SIAH1: variants seen among roughly 807,000 people sequenced by gnomAD.
SIAH1 encodes the protein E3 ubiquitin-protein ligase SIAH1.
SIAH1 carries 2 observed loss-of-function variants against 20.0 expected under a neutral mutation model. The ratio of observed to expected loss-of-function variants is 0.10; its 90% CI spans 0.04 to 0.31. SIAH1 has a LOEUF of 0.31. Among genes scored for constraint, SIAH1 ranks in the 10% least tolerant of loss-of-function variants. SIAH1 has a pLI of 1.00. For synonymous variants in SIAH1, 118 were observed against 125.3 expected (o/e 0.94, Z 0.39); for missense variants, 119 against 355.3 (o/e 0.33, Z 5.35).
chr16:48,381,216 G>A (rs956607120), intron 1 of SIAH1, among the ~76,000 whole-genome samples: 3 of 151,540 alleles, frequency 2.0e-5, no homozygotes, highest in African/African-American at 7.3e-5. Flanking sequence ...GTCATGGCAG[G>A]CGCCTGTAAT....
intron 1 of SIAH1, among the ~76,000 whole-genome samples, chr16:48,368,533 TAAGTA>T (rs1253919643): frequency 6.6e-6 from 1 of 152,158 alleles, no homozygotes; most frequent in Non-Finnish European, 1.5e-5. Flanking sequence ...TTGTCTCTAC[TAAGTA>T]AATACAAAAA....
intron 1 of SIAH1, among the ~76,000 whole-genome samples, chr16:48,374,616 T>C (rs1368492098): frequency 6.6e-6 from 1 of 152,134 alleles, no homozygotes; most frequent in Non-Finnish European, 1.5e-5. Flanking sequence ...GACAACTTTA[T>C]GCTAGAAGAG....
chr16:48,378,890 C>G (rs932866227), intron 1 of SIAH1, among the ~76,000 whole-genome samples: 1 of 152,182 alleles, frequency 6.6e-6, no homozygotes, highest in African/African-American at 2.4e-5. Context: ...AGCTCCTTAT[C>G]CTTGGACACC....
chr16:48,371,646 A>C (rs2151050396), intron 1 of SIAH1, among the ~76,000 whole-genome samples: 1 of 152,352 alleles, frequency 6.6e-6, no homozygotes, highest in African/African-American at 2.4e-5. Flanking sequence ...CACATTACTA[A>C]AATTTTTAAA....
chr16:48,368,153 C>G (rs1434210301), intron 1 of SIAH1, among the ~76,000 whole-genome samples: 5 of 152,032 alleles, frequency 3.3e-5, no homozygotes, highest in Non-Finnish European at 7.4e-5. Context: ...GGAAAAAAAT[C>G]ATAATATATT....
At chr16:48,365,680 A>ACCCAGGCTGGAATGCAATG in intron 1 of SIAH1, 1 of 1,425,312 alleles carries the variant, frequency 7.0e-7, no homozygotes. Flanking sequence ...CCTCCCTGTG[A>ACCCAGGCTGGAATGCAATG]GCTCAAATTC....
chr16:48,384,531 C>A (rs1294604863), intron 1 of SIAH1, among the ~76,000 whole-genome samples: 1 of 152,192 alleles, frequency 6.6e-6, no homozygotes, highest in Non-Finnish European at 1.5e-5. Flanking sequence ...ACGCCGTTCA[C>A]GCGCTCTCCT....
chr16:48,367,115 G>A (rs1299205208), intron 1 of SIAH1, among the ~76,000 whole-genome samples: 3 of 152,132 alleles, frequency 2.0e-5, no homozygotes, highest in African/African-American at 7.2e-5. Context: ...GCCCAGGCTG[G>A]TCTCGAACTC....
In SIAH1 at chr16:48,382,381, C is replaced by A. The variant is rs578261293; in HGVS notation, c.-3+2823G>T. Among the ~76,000 whole-genome samples, 6 of 148,792 alleles carry A rather than the reference C, an allele frequency of 4.0e-5. No individual in the cohort carries two copies. The East Asian group carries it at 9.8e-4, about 24-fold the overall frequency. ...CCTGGGCAACATAGCAAGACTATCTCAAAAAAAAATAAAAATAAAAATAAA... is the reference window on the plus strand; with the variant it reads ...CCTGGGCAACATAGCAAGACTATCTAAAAAAAAAATAAAAATAAAAATAAA... On this transcript the variant is annotated intron_variant, in intron 1 of 1. Transcript: ENST00000394725.
intron 1 of SIAH1, among the ~76,000 whole-genome samples, chr16:48,370,162 C>G (rs1003539597): frequency 6.6e-6 from 1 of 152,196 alleles, no homozygotes; most frequent in African/African-American, 2.4e-5. Flanking sequence ...TAGGTATCCT[C>G]AATCTCCAGC....
At chr16:48,372,611 G>C (rs1281520284) in intron 1 of SIAH1, among the ~76,000 whole-genome samples, 2 of 152,084 alleles carry the variant, frequency 1.3e-5, no homozygotes, top group Non-Finnish European at 2.9e-5. Context: ...AGCTGAGGTC[G>C]ATCTAATAAC....
chr16:48,365,508 CAAG>C, intron 1 of SIAH1: 2 of 1,605,788 alleles, frequency 1.2e-6, no homozygotes, highest in Non-Finnish European at 1.7e-6. Flanking sequence ...GCGTTTCCCC[CAAG>C]AAGTAAAGGA....
chr16:48,374,154 T>G (rs776206653), intron 1 of SIAH1, among the ~76,000 whole-genome samples: 5 of 152,230 alleles, frequency 3.3e-5, no homozygotes, highest in Non-Finnish European at 7.3e-5. Context: ...CATAATTCAC[T>G]TATTATTTTT....
upstream of SIAH1, among the ~76,000 whole-genome samples, chr16:48,385,688 C>T (rs1961445819): frequency 6.6e-6 from 1 of 152,122 alleles, no homozygotes; most frequent in South Asian, 2.1e-4. Context: ...GAGAAGCTAG[C>T]GCTTGCCCGT....
At chr16:48,369,728 A>G (rs1225296642) in intron 1 of SIAH1, among the ~76,000 whole-genome samples, 2 of 152,242 alleles carry the variant, frequency 1.3e-5, no homozygotes, top group African/African-American at 4.8e-5. Context: ...TCTGGGAAAG[A>G]ATAAATAAAG....
At chr16:48,378,480 G>A (rs900492442) in intron 1 of SIAH1, among the ~76,000 whole-genome samples, 1 of 152,202 alleles carries the variant, frequency 6.6e-6, no homozygotes, top group Admixed American at 6.5e-5. Flanking sequence ...CCTGTGAAGG[G>A]GGCGGCTCCT....
chr16:48,384,275 T>C (rs1961377565), intron 1 of SIAH1, among the ~76,000 whole-genome samples: 1 of 152,190 alleles, frequency 6.6e-6, no homozygotes, highest in Non-Finnish European at 1.5e-5. Context: ...TCTATGACTT[T>C]GGCAAAAGAA....
chr16:48,379,517 C>T (rs1054094713), intron 1 of SIAH1, among the ~76,000 whole-genome samples: 3 of 152,150 alleles, frequency 2.0e-5, no homozygotes, highest in Non-Finnish European at 2.9e-5. Context: ...CAAAACACAA[C>T]GAAAAGGCTA....
chr16:48,379,900 G>A (rs529889782), intron 1 of SIAH1, among the ~76,000 whole-genome samples: 1 of 152,146 alleles, frequency 6.6e-6, no homozygotes, highest in African/African-American at 2.4e-5. Context: ...GAGAGGCTAT[G>A]TACTTACGAA....
Sources: gnomAD v4.1 joint callset for allele counts (sites outside exome capture counted in the v4.1 genomes callset) on GRCh38, gnomAD v4.1.1 for gene constraint, MANE v1.5 for transcripts, NCBI Gene and HGNC (gene_info 2026-07-23, HGNC 2026-07-21) for gene names.